Variants in CSMD3 observed in about 807,000 individuals in gnomAD.
The protein encoded by CSMD3 is CUB and sushi domain-containing protein 3.
In CSMD3, 177 loss-of-function variants were observed where a neutral mutation model predicts 435.2. That is an observed-to-expected ratio of 0.41 (90% CI 0.36 to 0.46). The LOEUF (loss-of-function observed/expected upper bound fraction) is 0.46, where lower values mean the gene tolerates loss of function less well. Ranked by LOEUF, CSMD3 falls within the 20% of genes least tolerant of loss-of-function variation. The pLI is 0.34. For synonymous variants in CSMD3, 1,656 were observed against 1,520.5 expected, an observed-to-expected ratio of 1.09 and a Z score of -2.07; for missense variants, 4,265 against 4,504.6, an observed-to-expected ratio of 0.95 and a Z score of 1.52.
chr8:112,900,456 T>C (rs2082082302), intron 10 of CSMD3, among the ~76,000 whole-genome samples: 2 of 151,164 alleles, frequency 1.3e-5, no homozygotes, highest in South Asian at 4.2e-4. Context: ...AGTCCTCTCT[T>C]GTAATTCATA....
At chr8:112,957,599 G>A (rs1056625354) in intron 7 of CSMD3, among the ~76,000 whole-genome samples, 2 of 151,864 alleles carry the variant, frequency 1.3e-5, no homozygotes. Context: ...GATTACAGGC[G>A]TGTGACACAC....
At chr8:112,255,556 C>T in intron 61 of CSMD3, 129 bp from the exon 62 acceptor site, 1 of 814,838 alleles carries the variant, frequency 1.2e-6, no homozygotes, top group East Asian at 2.7e-5. Context: ...AAAGCTATCC[C>T]AATGAAAAAA....
At chr8:112,611,798 C>T (rs780544329) in intron 22 of CSMD3, among the ~76,000 whole-genome samples, 2 of 152,106 alleles carry the variant, frequency 1.3e-5, no homozygotes, top group African/African-American at 4.8e-5. Context: ...ACAAAATACA[C>T]AATTTGACAA....
At chr8:112,505,255 A>C (rs1822379562) in intron 29 of CSMD3, among the ~76,000 whole-genome samples, 1 of 152,146 alleles carries the variant, frequency 6.6e-6, no homozygotes, top group Non-Finnish European at 1.5e-5. Flanking sequence ...TAGCTTCAAC[A>C]CTTAGTTCAA....
At chr8:112,599,089 A>C (rs1401266250) in intron 22 of CSMD3, among the ~76,000 whole-genome samples, 8 of 148,976 alleles carry the variant, frequency 5.4e-5, no homozygotes, top group Non-Finnish European at 1.0e-4. Flanking sequence ...GGCAACCTAC[A>C]ACATGGGAGA....
intron 32 of CSMD3, among the ~76,000 whole-genome samples, chr8:112,451,485 T>C: frequency 6.6e-6 from 1 of 152,182 alleles, no homozygotes; most frequent in South Asian, 2.1e-4. Context: ...TCTGATTATA[T>C]GGTCTTTTAA....
At chr8:113,354,272 T>C (rs2094207576) in intron 1 of CSMD3, among the ~76,000 whole-genome samples, 1 of 152,192 alleles carries the variant, frequency 6.6e-6, no homozygotes, top group African/African-American at 2.4e-5. Context: ...CTTAGTTTTG[T>C]ACTCCTGAAT....
At chr8:112,482,479 T>G (rs1234842634) in intron 31 of CSMD3, among the ~76,000 whole-genome samples, 1 of 152,240 alleles carries the variant, frequency 6.6e-6, no homozygotes, top group African/African-American at 2.4e-5. Context: ...TTTCTAATTT[T>G]AGAACATTTC....
intron 11 of CSMD3, among the ~76,000 whole-genome samples, chr8:112,850,740 T>C (rs1262043173): frequency 2.6e-5 from 4 of 152,194 alleles, no homozygotes; most frequent in Non-Finnish European, 5.9e-5. Flanking sequence ...TCACTTTCTA[T>C]GTCTACACAA....
chr8:113,303,622 T>A (rs1328387986), intron 2 of CSMD3, among the ~76,000 whole-genome samples: 1 of 140,612 alleles, frequency 7.1e-6, no homozygotes, highest in Non-Finnish European at 1.5e-5. Context: ...CCTACAACTA[T>A]CTGATCTTTG....
intron 4 of CSMD3, among the ~76,000 whole-genome samples, chr8:113,161,750 T>G (rs2092044062): frequency 1.3e-5 from 2 of 152,174 alleles, no homozygotes; most frequent in Non-Finnish European, 2.9e-5. Flanking sequence ...TAGACTCTTT[T>G]GTCTGAGTTT....
intron 27 of CSMD3, among the ~76,000 whole-genome samples, chr8:112,545,241 G>C (rs1478570686): frequency 6.6e-6 from 1 of 151,978 alleles, no homozygotes; most frequent in Non-Finnish European, 1.5e-5. Context: ...CCCAGCACTT[G>C]GGGGTGCTGA....
chr8:112,559,076 TG>T lies in CSMD3; in HGVS notation c.4043-2123del, dbSNP rs550981627. ...TAATATTTCTGTGTTTCTACAGGGT[TG>T]GGGCTTTCTGAATGAATTTGCTAAA... On this transcript the variant is annotated intron_variant, in intron 24 of 70. Coordinates refer to ENST00000297405, the MANE Select transcript of CSMD3 (RefSeq NM_198123.2). Among the ~76,000 whole-genome samples the T allele has an allele frequency of 3.9e-3, 586 of 151,968 alleles. 4 individuals are homozygous for T. The highest frequency in any genetic ancestry group is 0.014 in the African/African-American group (564 of 41,516).
At chr8:113,101,366 C>T (rs1174845477) in intron 4 of CSMD3, among the ~76,000 whole-genome samples, 1 of 152,118 alleles carries the variant, frequency 6.6e-6, no homozygotes, top group Admixed American at 6.6e-5. Context: ...CAAATGAAAA[C>T]ACACCCATTT....
At chr8:113,231,772 ATAAATACC>A (rs962657898) in intron 3 of CSMD3, among the ~76,000 whole-genome samples, 241 of 151,664 alleles carry the variant, frequency 1.6e-3, no homozygotes, top group African/African-American at 5.7e-3. Context: ...AAAATATTAG[ATAAATACC>A]TTTTCCCTAA....
intron 2 of CSMD3, among the ~76,000 whole-genome samples, chr8:113,306,979 A>G (rs1455244347): frequency 2.5e-4 from 38 of 151,766 alleles, no homozygotes; most frequent in Non-Finnish European, 2.9e-5. Flanking sequence ...TCAACGTATC[A>G]AGAAAAAAAA....
rs559421800 is a variant in CSMD3 at position 112,536,714 on chromosome 8, G to A, written c.4564+13957C>T. Among the ~76,000 whole-genome samples the A allele has an allele frequency of 2.6e-3, 387 of 148,674 alleles. 1 individual carries two copies. Among genetic ancestry groups the A allele is most frequent in the Middle Eastern group, 0.01 (3 of 292 alleles). On this transcript the variant is annotated intron_variant, in intron 27 of 70. Coordinates refer to ENST00000297405, the MANE Select transcript of CSMD3 (RefSeq NM_198123.2). ...AATTCATGCTGCTATAAAGACACAC[G>A]CATGCGTATGTTTATTGCGGCACTA...
Position 112,302,152 on chromosome 8 carries a change from A to C in CSMD3, c.8267-186T>G, listed in dbSNP as rs78774441. Among the ~76,000 whole-genome samples, 572 of 151,902 alleles carry C rather than the reference A, an allele frequency of 3.8e-3. 1 individual carries two copies. The highest frequency in any genetic ancestry group is 0.013 in the African/African-American group (550 of 41,450). On this transcript the variant is annotated intron_variant, in intron 52 of 70. Coordinates refer to ENST00000297405, the MANE Select transcript of CSMD3 (RefSeq NM_198123.2). Reference sequence around the variant, plus strand: ...AAAGAGATGACATAACGTAAAATGTACCCTCTTTAAGTCCCCATAGAACCT... The same window carrying C: ...AAAGAGATGACATAACGTAAAATGTCCCCTCTTTAAGTCCCCATAGAACCT...
intron 5 of CSMD3, among the ~76,000 whole-genome samples, chr8:113,090,215 T>A (rs1298779963): frequency 6.6e-6 from 1 of 152,040 alleles, no homozygotes; most frequent in Non-Finnish European, 1.5e-5. Context: ...ATTAGTCAAG[T>A]TAGGCATAGG....
Sources: allele counts gnomAD v4.1 joint callset (sites outside exome capture counted in the v4.1 genomes callset), GRCh38; gene constraint gnomAD v4.1.1; transcripts MANE v1.5; gene names NCBI Gene and HGNC (gene_info 2026-07-23, HGNC 2026-07-21).